The following ADAMTS3 variants were observed in gnomAD, a reference collection of about 807,000 sequenced individuals.
ADAMTS3 encodes the protein A disintegrin and metalloproteinase with thrombospondin motifs 3.
Under a neutral mutation model 129.0 loss-of-function variants are expected in ADAMTS3, and 73 were observed. The observed-to-expected ratio is 0.57, with a 90% CI of 0.47 to 0.69. ADAMTS3 has a LOEUF of 0.69. Among genes scored for constraint, ADAMTS3 ranks in the 30% least tolerant of loss-of-function variants. The pLI, the probability that ADAMTS3 is intolerant of heterozygous loss-of-function variation, is 0.00. For missense variants in ADAMTS3, 1,457 were observed against 1,514.5 expected (o/e 0.96, Z 0.63); for synonymous variants, 477 against 510.8 (o/e 0.93, Z 0.89).
intron 4 of ADAMTS3, among the ~76,000 whole-genome samples, chr4:72,392,915 ATTTTTTTTTTTTTTCTT>A (rs1365170879): frequency 7.2e-6 from 1 of 139,852 alleles, no homozygotes; most frequent in Non-Finnish European, 1.6e-5. Context: ...TACCCATCGG[ATTTTTTTTTTTTTTCTT>A]TTTTTTTTTC....
At chr4:72,491,429 T>C (rs1719741699) in intron 3 of ADAMTS3, among the ~76,000 whole-genome samples, 1 of 151,812 alleles carries the variant, frequency 6.6e-6, no homozygotes. Flanking sequence ...ATAAGAGGTA[T>C]GGGTTTTTCA....
At position 72,319,353 on chromosome 4, in the gene ADAMTS3, T is replaced by C. The variant is rs1468827286; in HGVS notation, c.1331A>G (p.Gln444Arg). The C allele has an allele frequency of 6.2e-7, 1 of 1,613,994 alleles. No homozygotes were observed. The change falls in exon 9 of 22, where the codon CAA (glutamine) becomes CGA (arginine). Residue 444 changes from glutamine to arginine, a missense_variant. By Grantham distance (43) the Gln-to-Arg change is conservative. Transcript: ENST00000286657. ...HRYHWSRCSG[Q>R]ELKRYIHSYD... ...ATACTGGATATATCTTTTCAGTTCTTGACCACTGCATCGGGACCAGTGGTA... is the reference window on the plus strand; with the variant it reads ...ATACTGGATATATCTTTTCAGTTCTCGACCACTGCATCGGGACCAGTGGTA...
At chr4:72,542,676 C>T (rs1185475926) in intron 3 of ADAMTS3, among the ~76,000 whole-genome samples, 1 of 152,096 alleles carries the variant, frequency 6.6e-6, no homozygotes, top group Non-Finnish European at 1.5e-5. Context: ...AGGCAAACTC[C>T]AAAGTATGAC....
chr4:72,324,650 G>C (rs1488908398), intron 5 of ADAMTS3, among the ~76,000 whole-genome samples: 1 of 152,040 alleles, frequency 6.6e-6, no homozygotes, highest in Non-Finnish European at 1.5e-5. Flanking sequence ...GATAAGCCAA[G>C]CTGTGAAAAA....
intron 20 of ADAMTS3, 53 bp downstream of exon 20, chr4:72,290,802 C>T: frequency 1.9e-6 from 3 of 1,555,940 alleles, no homozygotes; most frequent in Non-Finnish European, 1.8e-6. Flanking sequence ...AAAATATCTA[C>T]ACATGCTTAC....
chr4:72,348,025 A>C (rs1720333002), intron 4 of ADAMTS3, among the ~76,000 whole-genome samples: 1 of 152,098 alleles, frequency 6.6e-6, no homozygotes, highest in Non-Finnish European at 1.5e-5. Context: ...ATTAATAAAA[A>C]TGTAAATAAG....
Position 72,548,702 on chromosome 4 carries a change from G to T in ADAMTS3, c.280C>A (p.Arg94=), listed in dbSNP as rs747975445. The T allele has an allele frequency of 6.2e-7, 1 of 1,613,946 alleles. No individual in the cohort carries two copies. The highest frequency in any genetic ancestry group is 8.5e-7 in the Non-Finnish European group (1 of 1,179,912). ...ITAFGKDFHL[R]LKPNTQLVAP... Reference sequence around the variant, plus strand: ...ACTAGTTGAGTGTTGGGCTTTAGTCGCAGATGAAAATCTTTTCCAAATGCC... The same window carrying T: ...ACTAGTTGAGTGTTGGGCTTTAGTCTCAGATGAAAATCTTTTCCAAATGCC... The change falls in exon 3 of 22, where the codon CGA becomes AGA. Residue 94 remains arginine (R), a synonymous_variant. Coordinates refer to ENST00000286657, the MANE Select transcript of ADAMTS3 (RefSeq NM_014243.3).
chr4:72,383,066 G>C (rs970313887), intron 4 of ADAMTS3, among the ~76,000 whole-genome samples: 1 of 151,190 alleles, frequency 6.6e-6, no homozygotes, highest in Non-Finnish European at 1.5e-5. Context: ...AGAATATCCT[G>C]TGAATAGAAA....
At chr4:72,424,949 T>C (rs1057487945) in intron 3 of ADAMTS3, among the ~76,000 whole-genome samples, 1 of 152,134 alleles carries the variant, frequency 6.6e-6, no homozygotes, top group Non-Finnish European at 1.5e-5. Flanking sequence ...TATTTTATTG[T>C]ATGAATGTAT....
At chr4:72,539,070 A>T (rs193293468) in intron 3 of ADAMTS3, among the ~76,000 whole-genome samples, 10 of 152,198 alleles carry the variant, frequency 6.6e-5, no homozygotes, top group African/African-American at 2.2e-4. Flanking sequence ...CTTGTTAAAA[A>T]ATATATATAT....
chr4:72,282,611 T>C lies in ADAMTS3; in HGVS notation c.*525A>G, dbSNP rs1409934029. 2.0e-5 allele frequency: 3 copies of C among 152,766 alleles called. No individual in the cohort carries two copies. The South Asian group carries it at 6.2e-4, about 32-fold the overall frequency. 9.5% of individuals were successfully genotyped at this position (152,766 alleles called of 1,614,324 possible). Reference sequence around the variant, plus strand: ...AAATGTAATATAGTAAACAATCATTTGAGAACACATCTCTTAAAATAATAC... The same window carrying C: ...AAATGTAATATAGTAAACAATCATTCGAGAACACATCTCTTAAAATAATAC... On this transcript the variant is annotated 3_prime_UTR_variant, in exon 22 of 22. Coordinates refer to ENST00000286657, the MANE Select transcript of ADAMTS3 (RefSeq NM_014243.3).
intron 3 of ADAMTS3, among the ~76,000 whole-genome samples, chr4:72,482,535 A>G (rs1383718021): frequency 6.6e-6 from 1 of 152,134 alleles, no homozygotes; most frequent in East Asian, 1.9e-4. Context: ...AAAAGTGGTC[A>G]TGGCTATAAA....
intron 3 of ADAMTS3, among the ~76,000 whole-genome samples, chr4:72,462,404 C>A (rs1165574631): frequency 6.6e-6 from 1 of 151,946 alleles, no homozygotes; most frequent in African/African-American, 2.4e-5. Context: ...TGAAACAATG[C>A]GCAGTCATGA....
intron 4 of ADAMTS3, among the ~76,000 whole-genome samples, chr4:72,391,918 C>T (rs1048031154): frequency 2.0e-5 from 3 of 152,126 alleles, no homozygotes; most frequent in Non-Finnish European, 2.9e-5. Flanking sequence ...CCTGAAAACG[C>T]GTAGAAAACA....
intron 3 of ADAMTS3, among the ~76,000 whole-genome samples, chr4:72,479,483 C>T (rs1243648581): frequency 6.6e-6 from 1 of 152,200 alleles, no homozygotes; most frequent in African/African-American, 2.4e-5. Context: ...GGAAAACTGG[C>T]TAGCCATATG....
chr4:72,472,614 A>C (rs1479110068), intron 3 of ADAMTS3, among the ~76,000 whole-genome samples: 1 of 152,128 alleles, frequency 6.6e-6, no homozygotes, highest in African/African-American at 2.4e-5. Context: ...GGAGACATTA[A>C]AATTAGATTC....
chr4:72,477,399 G>T (rs113393015), intron 3 of ADAMTS3, among the ~76,000 whole-genome samples: 17 of 151,856 alleles, frequency 1.1e-4, no homozygotes, highest in Non-Finnish European at 2.4e-4. Flanking sequence ...ACTCAAAAGC[G>T]CTCAACTACA....
At chr4:72,349,647 C>T (rs892230231) in intron 4 of ADAMTS3, among the ~76,000 whole-genome samples, 2 of 151,794 alleles carry the variant, frequency 1.3e-5, no homozygotes, top group Non-Finnish European at 2.9e-5. Context: ...TAAAAGGTAA[C>T]ACTTAGACAT....
intron 2 of ADAMTS3, among the ~76,000 whole-genome samples, chr4:72,557,471 A>T (rs545899353): frequency 6.6e-6 from 1 of 151,812 alleles, no homozygotes; most frequent in Non-Finnish European, 1.5e-5. Flanking sequence ...TCTTATCACC[A>T]CAAGTCCGAC....
Sources: allele counts gnomAD v4.1 joint callset (sites outside exome capture counted in the v4.1 genomes callset), GRCh38; gene constraint gnomAD v4.1.1; transcripts MANE v1.5; gene names NCBI Gene and HGNC (gene_info 2026-07-23, HGNC 2026-07-21).